Variants in TET2 observed in about 807,000 individuals in gnomAD.
TET2 encodes the protein methylcytosine dioxygenase TET2.
Under a neutral mutation model 142.9 loss-of-function variants are expected in TET2, and 299 were observed. The observed-to-expected ratio is 2.09, with a 90% CI of 1.90 to 2.30. The LOEUF (loss-of-function observed/expected upper bound fraction) is 2.30. Among genes scored for constraint, TET2 ranks in the 30% most tolerant of loss-of-function variants. TET2 has a pLI of 0.00. For synonymous variants in TET2, 819 were observed against 849.0 expected (o/e 0.96, Z 0.61); for missense variants, 2,418 against 2,378.0 (o/e 1.02, Z -0.35).
chr4:105,188,699 G>A (rs1016916277), intron 1 of TET2, among the ~76,000 whole-genome samples: 15 of 152,134 alleles, frequency 9.9e-5, no homozygotes, highest in African/African-American at 3.1e-4. Flanking sequence ...GACACATGCT[G>A]CAATACAGAT....
At chr4:105,146,381 G>A (rs1433518890), upstream of TET2, 1 of 152,472 alleles carries the variant, frequency 6.6e-6, no homozygotes, top group Non-Finnish European at 1.5e-5. Flanking sequence ...GAGGTCCCCG[G>A]GGTTCCCGAG....
intron 8 of TET2, among the ~76,000 whole-genome samples, chr4:105,267,242 T>TA (rs1307034050): frequency 1.3e-5 from 2 of 151,984 alleles, no homozygotes; most frequent in South Asian, 4.1e-4. Context: ...TTAAAAATGT[T>TA]AAACGAAATC....
rs569805693 is a variant in TET2, at chr4:105,175,516, C to A, written c.-192-14844C>A. ...GTTAAGGATATGATAATAGGAACTT[C>A]AAAACTAAAATGCAAAGAGAAAAAA... On this transcript the variant is annotated intron_variant, in intron 1 of 10. Transcript: ENST00000380013. Among the ~76,000 whole-genome samples, 11 of 151,242 alleles carry A rather than the reference C, an allele frequency of 7.3e-5. 1 individual carries two copies. The East Asian group carries it at 2.1e-3, about 29-fold the overall frequency.
chr4:105,252,191 C>T (rs1729899757), intron 6 of TET2, among the ~76,000 whole-genome samples: 1 of 152,132 alleles, frequency 6.6e-6, no homozygotes, highest in Non-Finnish European at 1.5e-5. Context: ...TTTTTCTCTC[C>T]TACCCCACTA....
rs2110232719 is a variant in TET2 at position 105,236,223 on chromosome 4, C to T, written c.2281C>T (p.Pro761Ser). ...KNKEEILQTF[P>S]HPQSNNDQQR... is the part of the protein sequence containing the mutation. Reference sequence around the variant, plus strand: ...TAAAGAGGAAATACTCCAGACTTTTCCTCACCCCCAAAGCAACAATGATCA... The same window carrying T: ...TAAAGAGGAAATACTCCAGACTTTTTCTCACCCCCAAAGCAACAATGATCA... The change falls in exon 3 of 11, where the codon CCT becomes TCT. Residue 761 changes from proline (P) to serine (S), a missense_variant. Transcript: ENST00000380013. The T allele has an allele frequency of 1.2e-6, 2 of 1,614,092 alleles. No individual in the cohort carries two copies. The highest frequency in any genetic ancestry group is 1.7e-6 in the Non-Finnish European group (2 of 1,180,018).
At chr4:105,194,040 A>G (rs1725936504) in intron 2 of TET2, among the ~76,000 whole-genome samples, 1 of 152,156 alleles carries the variant, frequency 6.6e-6, no homozygotes. Flanking sequence ...CAGAGATGTT[A>G]CATGACTTTA....
At chr4:105,259,915 G>A (rs1429033989) in intron 7 of TET2, 146 bp downstream of exon 7, 3 of 710,610 alleles carry the variant, frequency 4.2e-6, no homozygotes, top group East Asian at 3.2e-5. Flanking sequence ...TTTTTAAGTT[G>A]GCATAATAAT....
Position 105,225,185 on chromosome 4 carries a change from C to CGTGTGTGTGTGTGTGTGTGTGT in TET2, c.-46-8708_-46-8687dup, listed in dbSNP as rs79864807. ...CATGCTGCACCATATAGTAAAAAAT[C>CGTGTGTGTGTGTGTGTGTGTGT]GTGTGTGTGTGTGTGTGTGTGTGTG... On this transcript the variant is annotated intron_variant, in intron 2 of 10. Transcript: ENST00000380013. Among the ~76,000 whole-genome samples, 1,347 of 147,184 alleles carry CGTGTGTGTGTGTGTGTGTGTGT rather than the reference C, an allele frequency of 9.2e-3. 15 individuals carry two copies. Among genetic ancestry groups the CGTGTGTGTGTGTGTGTGTGTGT allele is most frequent in the African/African-American group, 0.016 (634 of 39,234 alleles).
In TET2 at chr4:105,278,198, ATATAT is replaced by A. The variant is rs989965734; in HGVS notation, c.*1680_*1684del. ...TATATATATATATATATATATATATATATATGAGTTTGAAGCAGAATTCACATCAT... is the reference window on the plus strand; with the variant it reads ...TATATATATATATATATATATATATAGAGTTTGAAGCAGAATTCACATCAT... On this transcript the variant is annotated 3_prime_UTR_variant, in exon 11 of 11. Coordinates refer to ENST00000380013, the MANE Select transcript of TET2 (RefSeq NM_001127208.3). The A allele has an allele frequency of 2.5e-5, 4 of 160,296 alleles. No homozygotes were observed. The highest frequency in any genetic ancestry group is 1.0e-4 in the African/African-American group (4 of 38,764). 9.9% of individuals were successfully genotyped at this position (160,296 alleles called of 1,614,324 possible).
Position 105,275,880 on chromosome 4 carries a change from T to A in TET2, c.5370T>A (p.Leu1790=). ...LHLQNKENDM[L]SHTANGLSKM... is the part of the protein sequence containing the mutation. ...TCCAAAACAAGGAGAATGACATGCT[T>A]TCCCACACAGCTAATGGGTTATCAA... The change falls in exon 11 of 11, where the codon CTT becomes CTA. Residue 1790 remains leucine (L), a synonymous_variant. Coordinates refer to ENST00000380013, the MANE Select transcript of TET2 (RefSeq NM_001127208.3). 6.4e-7 allele frequency: 1 copy of A among 1,552,038 alleles called. No individual in the cohort carries two copies. Among genetic ancestry groups the A allele is most frequent in the Non-Finnish European group, 8.7e-7 (1 of 1,147,028 alleles).
chr4:105,251,951 C>T (rs1293503987), intron 6 of TET2, among the ~76,000 whole-genome samples: 1 of 152,060 alleles, frequency 6.6e-6, no homozygotes, highest in Non-Finnish European at 1.5e-5. Context: ...TACATGCTGC[C>T]CCTGTATGTG....
rs1043004067 is a variant in TET2 at position 105,276,589 on chromosome 4, T to C, written c.*70T>C. ...CAACCTGTCAGTAGTATAGTTCTCA[T>C]GACGTGGGCAGTGGGGAAAGGTCAC... On this transcript the variant is annotated 3_prime_UTR_variant, in exon 11 of 11. Transcript: ENST00000380013. 4.0e-5 allele frequency: 59 copies of C among 1,459,602 alleles called. No individual in the cohort carries two copies. The highest frequency in any genetic ancestry group is 5.0e-5 in the Admixed American group (2 of 39,854). The allele number at this position is 1,459,602 out of a possible 1,614,324, so 90.4% of individuals were successfully genotyped here. A position where few individuals can be genotyped will look rare whatever the true frequency, so the allele number is the denominator to read the frequency against.
chr4:105,219,957 A>G (rs1727717956), intron 2 of TET2, among the ~76,000 whole-genome samples: 1 of 152,042 alleles, frequency 6.6e-6, no homozygotes, highest in African/African-American at 2.4e-5. Context: ...TATTGTGTTT[A>G]TTGTTTTTCT....
In TET2 at chr4:105,209,049, G is replaced by GTATATATATATATATA. The variant is rs36045001; in HGVS notation, c.-47+18578_-47+18593dup. On this transcript the variant is annotated intron_variant, in intron 2 of 10. Coordinates refer to ENST00000380013, the MANE Select transcript of TET2 (RefSeq NM_001127208.3). ...AATGAAATAGATGCCTCAAGGCATG[G>GTATATATATATATATA]TATATATATATATATATATATATAT... 1.1e-4 allele frequency among the ~76,000 whole-genome samples: 5 copies of GTATATATATATATATA among 44,352 alleles called. 1 individual carries two copies. Among genetic ancestry groups the GTATATATATATATATA allele is most frequent in the Admixed American group, 3.4e-4 (1 of 2,922 alleles). 29.1% of individuals were successfully genotyped at this position (44,352 alleles called of 152,430 possible). A position where few individuals can be genotyped will look rare whatever the true frequency, so the allele number is the denominator to read the frequency against.
chr4:105,190,381 C>T lies in TET2; in HGVS notation c.-171C>T, dbSNP rs1725713946. The T allele has an allele frequency of 2.9e-6, 2 of 680,506 alleles. No individual in the cohort carries two copies. The highest frequency in any genetic ancestry group is 2.2e-5 in the Admixed American group (1 of 44,770). The allele number at this position is 680,506 out of a possible 1,614,324, so 42.2% of individuals were successfully genotyped here. On this transcript the variant is annotated 5_prime_UTR_variant, in exon 2 of 11. Coordinates refer to ENST00000380013, the MANE Select transcript of TET2 (RefSeq NM_001127208.3). The stretch of plus-strand genomic sequence containing the variant: ...CTAGGCTGGCAAACATTCAGCAGCA[C>T]ACCCTCTCAAGATTGTTTACTTGCC...
In TET2 at chr4:105,272,550, T is replaced by G; in HGVS notation, c.4183-14T>G. The G allele has an allele frequency of 6.8e-7, 1 of 1,479,874 alleles. No homozygotes were observed. Among genetic ancestry groups the G allele is most frequent in the Non-Finnish European group, 9.0e-7 (1 of 1,110,724 alleles). The allele number at this position is 1,479,874 out of a possible 1,614,324, so 91.7% of individuals were successfully genotyped here. On this transcript the variant is annotated splice_polypyrimidine_tract_variant and intron_variant, in intron 9 of 10. Transcript: ENST00000380013. Reference sequence around the variant, plus strand: ...ACCTGTAGTTGAGGCTGTAATGTCTTACTTCCCTACCAGGTATGCACTCTC... The same window carrying G: ...ACCTGTAGTTGAGGCTGTAATGTCTGACTTCCCTACCAGGTATGCACTCTC...
At chr4:105,229,231 C>T (rs1474312931) in intron 2 of TET2, among the ~76,000 whole-genome samples, 1 of 152,126 alleles carries the variant, frequency 6.6e-6, no homozygotes. Context: ...TGATGTATAT[C>T]TAGACCATCT....
At position 105,279,148 on chromosome 4, in the gene TET2, T is replaced by G. The variant is rs1280551002; in HGVS notation, c.*2629T>G. On this transcript the variant is annotated 3_prime_UTR_variant, in exon 11 of 11. Coordinates refer to ENST00000380013, the MANE Select transcript of TET2 (RefSeq NM_001127208.3). ...AACCACATGATTTTAATGTTTTTTG[T>G]ATACCATAATATCTAGCCCCAAACA... 4.3e-6 allele frequency: 1 copy of G among 232,512 alleles called. No homozygotes were observed. The highest frequency in any genetic ancestry group is 5.6e-5 in the Admixed American group (1 of 17,744). The allele number at this position is 232,512 out of a possible 1,614,324, so 14.4% of individuals were successfully genotyped here. A position where few individuals can be genotyped will look rare whatever the true frequency, so the allele number is the denominator to read the frequency against.
intron 2 of TET2, among the ~76,000 whole-genome samples, chr4:105,201,263 CAAAA>C (rs111752621): frequency 1.3e-5 from 2 of 151,588 alleles, no homozygotes; most frequent in African/African-American, 4.8e-5. Flanking sequence ...ATCTCTTCTT[CAAAA>C]AAAAGGCATC....
Sources: gnomAD v4.1 joint callset for allele counts (sites outside exome capture counted in the v4.1 genomes callset) on GRCh38, gnomAD v4.1.1 for gene constraint, MANE v1.5 for transcripts, NCBI Gene and HGNC (gene_info 2026-07-23, HGNC 2026-07-21) for gene names.